Variants in ANKFY1 observed in about 807,000 individuals in gnomAD.
ANKFY1 encodes the protein ankyrin repeat and FYVE domain containing 1, also known as ankyrin repeat and FYVE domain-containing protein 1.
Under a neutral mutation model 128.3 loss-of-function variants are expected in ANKFY1, and 47 were observed. That is an observed-to-expected ratio of 0.37 (90% CI 0.29 to 0.47). ANKFY1 has a LOEUF of 0.47. ANKFY1 is among the 20% of genes least tolerant of loss of function. The pLI, the probability that ANKFY1 is intolerant of heterozygous loss-of-function variation, is 1.00. For synonymous variants in ANKFY1, 553 were observed against 601.6 expected (o/e 0.92, Z 1.18); for missense variants, 1,222 against 1,510.6 (o/e 0.81, Z 3.17).
At chr17:4,185,771 C>T (rs1184424474) in intron 11 of ANKFY1, among the ~76,000 whole-genome samples, 4 of 152,062 alleles carry the variant, frequency 2.6e-5, no homozygotes, top group Non-Finnish European at 5.9e-5. Flanking sequence ...ATAATATATG[C>T]TTATCACGAC....
At chr17:4,168,108 T>A in intron 24 of ANKFY1, 197 bp from the exon 25 acceptor site, 1 of 486,144 alleles carries the variant, frequency 2.1e-6, no homozygotes, top group Non-Finnish European at 3.6e-6. Context: ...TAGTCAATCA[T>A]CAAGTTAAAG....
intron 3 of ANKFY1, among the ~76,000 whole-genome samples, chr17:4,231,936 A>T (rs538496868): frequency 1.7e-4 from 23 of 137,422 alleles, no homozygotes; most frequent in Middle Eastern, 3.7e-3. Flanking sequence ...AATCCTGTTT[A>T]AAAAAAAAAA....
chr17:4,201,479 A>ATTTT, intron 7 of ANKFY1, among the ~76,000 whole-genome samples: 1 of 135,700 alleles, frequency 7.4e-6, no homozygotes. Flanking sequence ...CCTGTGTCTG[A>ATTTT]TTTTTTTTTT....
At position 4,209,984 on chromosome 17, in the gene ANKFY1, A is replaced by G. The variant is rs747808829; in HGVS notation, c.459-37T>C. The G allele has an allele frequency of 1.9e-6, 3 of 1,582,952 alleles. No individual in the cohort carries two copies. The South Asian group carries it at 3.4e-5, about 18-fold the overall frequency. On this transcript the variant is annotated intron_variant, in intron 4 of 24. Coordinates refer to ENST00000341657, the MANE Select transcript of ANKFY1 (RefSeq NM_001330063.2). ...TATTCATCATGAGGAGTATTACTGG[A>G]CAAATAATTCACAAACGAACAAACC... is the stretch of plus-strand genomic sequence containing the variant.
intron 3 of ANKFY1, among the ~76,000 whole-genome samples, chr17:4,217,319 C>T (rs541654395): frequency 2.3e-4 from 35 of 152,096 alleles, no homozygotes; most frequent in African/African-American, 5.6e-4. Context: ...GAGGCTGAGG[C>T]GGGCAGATCA....
At chr17:4,201,691 G>A (rs919953436) in intron 7 of ANKFY1, among the ~76,000 whole-genome samples, 4 of 152,034 alleles carry the variant, frequency 2.6e-5, no homozygotes, top group African/African-American at 9.7e-5. Context: ...TTCTGCTCCC[G>A]TTTTGGGTGG....
chr17:4,256,572 T>TG (rs1598158678), intron 1 of ANKFY1, among the ~76,000 whole-genome samples: 1 of 151,902 alleles, frequency 6.6e-6, no homozygotes, highest in African/African-American at 2.4e-5. Context: ...ATGCAGATCT[T>TG]GGGGGGAGTC....
chr17:4,231,308 C>G (rs1400289768), intron 3 of ANKFY1, among the ~76,000 whole-genome samples: 1 of 152,056 alleles, frequency 6.6e-6, no homozygotes, highest in African/African-American at 2.4e-5. Context: ...CCAGCCTTGG[C>G]AACACAGCAA....
At position 4,167,986 on chromosome 17, in the gene ANKFY1, G is replaced by A. The variant is rs1165275422; in HGVS notation, c.3378-75C>T. The A allele has an allele frequency of 7.3e-6, 11 of 1,512,018 alleles. No individual in the cohort carries two copies. The highest frequency in any genetic ancestry group is 4.6e-5 in the East Asian group (2 of 43,424). 93.7% of individuals were successfully genotyped at this position (1,512,018 alleles called of 1,614,324 possible). A position where few individuals can be genotyped will look rare whatever the true frequency, so the allele number is the denominator to read the frequency against. On this transcript the variant is annotated intron_variant, in intron 24 of 24. Coordinates refer to ENST00000341657, the MANE Select transcript of ANKFY1 (RefSeq NM_001330063.2). This position sits in a 1 kb window ranked among gnomAD's most constrained non-coding sequence, Gnocchi z 4.1. ...TGCTTCCTGGCACGTGAGGACAACC[G>A]CAGCAGGGCCTGGCAGCCAAGGCGC...
chr17:4,222,730 G>C (rs1052517336), intron 3 of ANKFY1: 6 of 917,808 alleles, frequency 6.5e-6, no homozygotes, highest in Non-Finnish European at 1.1e-5. Flanking sequence ...AGGGTTTCTT[G>C]TGCAGTAATA....
Position 4,170,824 on chromosome 17 carries a change from C to G in ANKFY1, c.3177G>C (p.Leu1059Phe), listed in dbSNP as rs2142999810. Reference sequence around the variant, plus strand: ...CCCCCGACCGGACGATGGCGCGGCACAAGTTGGCGTTCCCTTTCATGTATG... The same window carrying G: ...CCCCCGACCGGACGATGGCGCGGCAGAAGTTGGCGTTCCCTTTCATGTATG... ...LLAYMKGNANLCRAIVRSGAR... is the reference protein window; with the variant it reads ...LLAYMKGNANFCRAIVRSGAR... The change falls in exon 23 of 25, where the codon TTG becomes TTC. Residue 1059 changes from leucine (L) to phenylalanine (F), a missense_variant. Coordinates refer to ENST00000341657, the MANE Select transcript of ANKFY1 (RefSeq NM_001330063.2). 6.2e-7 allele frequency: 1 copy of G among 1,614,236 alleles called. No individual in the cohort carries two copies. Among genetic ancestry groups the G allele is most frequent in the Non-Finnish European group, 8.5e-7 (1 of 1,180,048 alleles).
chr17:4,246,550 C>T (rs757964371), intron 1 of ANKFY1, among the ~76,000 whole-genome samples: 7 of 152,180 alleles, frequency 4.6e-5, no homozygotes, highest in Non-Finnish European at 7.3e-5. Flanking sequence ...CTGGTGGCTA[C>T]AAAATTATAT....
At chr17:4,180,624 G>A (rs1283835050) in intron 16 of ANKFY1, among the ~76,000 whole-genome samples, 2 of 150,826 alleles carry the variant, frequency 1.3e-5, no homozygotes, top group South Asian at 2.1e-4. Context: ...AAAATTAGCC[G>A]GGCGTGGAGG....
Position 4,169,730 on chromosome 17 carries a change from G to A in ANKFY1, c.3287-442C>T, listed in dbSNP as rs946929993. On this transcript the variant is annotated intron_variant, in intron 23 of 24. Transcript: ENST00000341657. This position sits in a 1 kb window ranked among gnomAD's most constrained non-coding sequence, Gnocchi z 5.0. ...GTGAGCGGGAGCAGGCAGAAGACAC[G>A]GGTGATTTCCAGGCTTCCGGAGAGT... is the stretch of plus-strand genomic sequence containing the variant. Among the ~76,000 whole-genome samples the A allele has an allele frequency of 6.6e-6, 1 of 152,194 alleles. No individual in the cohort carries two copies. Among genetic ancestry groups the A allele is most frequent in the African/African-American group, 2.4e-5 (1 of 41,446 alleles).
At chr17:4,217,271 G>T (rs112205843) in intron 3 of ANKFY1, among the ~76,000 whole-genome samples, 153 bp from the exon 4 acceptor site, 1 of 152,150 alleles carries the variant, frequency 6.6e-6, no homozygotes, top group East Asian at 1.9e-4. Context: ...GGACTCGGCC[G>T]GGTGCAGTGG....
Position 4,235,760 on chromosome 17 carries a change from T to C in ANKFY1, c.322+12A>G, listed in dbSNP as rs1966880198. On this transcript the variant is annotated intron_variant, in intron 3 of 24. Coordinates refer to ENST00000341657, the MANE Select transcript of ANKFY1 (RefSeq NM_001330063.2). ...CTAGCAGTTTTGTGTCCCTGATCACTCAAAGGCTCACCTGACAGGTCCAAC... is the reference window on the plus strand; with the variant it reads ...CTAGCAGTTTTGTGTCCCTGATCACCCAAAGGCTCACCTGACAGGTCCAAC... 1.2e-6 allele frequency: 2 copies of C among 1,607,338 alleles called. No individual in the cohort carries two copies. The highest frequency in any genetic ancestry group is 1.7e-6 in the Non-Finnish European group (2 of 1,173,904).
chr17:4,188,659 A>G (rs1188950888), intron 11 of ANKFY1: 1 of 152,234 alleles, frequency 6.6e-6, no homozygotes, highest in African/African-American at 2.4e-5. Context: ...TGAAAATAAT[A>G]AAGTAAAAAT....
chr17:4,198,071 G>C (rs2143011264), intron 7 of ANKFY1, among the ~76,000 whole-genome samples: 1 of 151,890 alleles, frequency 6.6e-6, no homozygotes, highest in Non-Finnish European at 1.5e-5. Flanking sequence ...GGAGGTTGCG[G>C]TGAGCTGAGA....
At chr17:4,205,207 C>T (rs2060000511) in intron 7 of ANKFY1, among the ~76,000 whole-genome samples, 1 of 152,116 alleles carries the variant, frequency 6.6e-6, no homozygotes, top group Non-Finnish European at 1.5e-5. Context: ...AAAAAGTGGC[C>T]ATGGCAATGC....
Sources: gnomAD v4.1 joint callset for allele counts (sites outside exome capture counted in the v4.1 genomes callset) on GRCh38, gnomAD v4.1.1 for gene constraint, Gnocchi (gnomAD v3.1) non-coding constraint, MANE v1.5 for transcripts, NCBI Gene and HGNC (gene_info 2026-07-23, HGNC 2026-07-21) for gene names.